Variants in ADGB observed in about 807,000 individuals in gnomAD.
The protein encoded by ADGB is calpain-7-like protein.
ADGB carries 172 observed loss-of-function variants against 210.5 expected under a neutral mutation model. The ratio of observed to expected loss-of-function variants is 0.82; its 90% CI spans 0.72 to 0.93. The LOEUF (loss-of-function observed/expected upper bound fraction) is 0.93. Among genes scored for constraint, ADGB ranks in the 40% least tolerant of loss-of-function variants. ADGB has a pLI of 0.00. For missense variants in ADGB, 2,025 were observed against 1,964.8 expected (o/e 1.03, Z -0.58); for synonymous variants, 658 against 662.7 (o/e 0.99, Z 0.11).
intron 12 of ADGB, among the ~76,000 whole-genome samples, chr6:146,700,258 T>C (rs1776471828): frequency 6.6e-6 from 1 of 152,234 alleles, no homozygotes; most frequent in East Asian, 1.9e-4. Flanking sequence ...CTGGTAGAAT[T>C]GGAGACTCAA....
intron 8 of ADGB, among the ~76,000 whole-genome samples, chr6:146,673,015 G>A (rs1360027497): frequency 2.0e-5 from 3 of 152,120 alleles, no homozygotes; most frequent in Non-Finnish European, 4.4e-5. Context: ...ACAGGTGTGA[G>A]CCACTGCATC....
intron 13 of ADGB, among the ~76,000 whole-genome samples, chr6:146,708,212 A>C (rs1231485187): frequency 2.6e-5 from 4 of 152,088 alleles, no homozygotes; most frequent in African/African-American, 9.7e-5. Flanking sequence ...TAACCTTCAT[A>C]CTAAATTTTA....
At chr6:146,672,143 T>C (rs1451489193) in intron 7 of ADGB, 77 bp from the exon 8 acceptor site, 1 of 1,424,330 alleles carries the variant, frequency 7.0e-7, no homozygotes, top group African/African-American at 1.4e-5. Context: ...TTGATTTTTC[T>C]GTCAGTAATT....
chr6:146,762,717 T>C (rs905535449), intron 27 of ADGB, among the ~76,000 whole-genome samples: 1 of 152,178 alleles, frequency 6.6e-6, no homozygotes, highest in Non-Finnish European at 1.5e-5. Context: ...AAGTCAGTTC[T>C]AGAGTTGCCA....
At chr6:146,777,599 G>T (rs1386982945) in intron 29 of ADGB, among the ~76,000 whole-genome samples, 2 of 152,184 alleles carry the variant, frequency 1.3e-5, no homozygotes, top group Admixed American at 6.5e-5. Flanking sequence ...AAACTTTAGG[G>T]TTGGTGCCCA....
intron 26 of ADGB, among the ~76,000 whole-genome samples, chr6:146,752,224 T>A (rs1042134313): frequency 1.1e-4 from 16 of 151,852 alleles, no homozygotes; most frequent in Admixed American, 1.1e-3. Context: ...GGGGAGCAGG[T>A]ACATCACATG....
intron 35 of ADGB, among the ~76,000 whole-genome samples, chr6:146,811,388 T>C (rs1778299990): frequency 6.6e-6 from 1 of 151,886 alleles, no homozygotes; most frequent in Admixed American, 6.6e-5. Flanking sequence ...CATAATTTAT[T>C]CATATATAAA....
Position 146,675,983 on chromosome 6 carries a change from T to C in ADGB, c.1088-330T>C, listed in dbSNP as rs191489165. Among the ~76,000 whole-genome samples, 362 of 152,278 alleles carry C rather than the reference T, an allele frequency of 2.4e-3. 3 individuals carry two copies. The highest frequency in any genetic ancestry group is 8.2e-3 in the African/African-American group (343 of 41,576). On this transcript the variant is annotated intron_variant, in intron 8 of 35. Transcript: ENST00000397944. ...CACAGGCTTTGCTGTGTTTTGTTTTTATTTTTAAAATGAGAAAATTACCTT... is the reference window on the plus strand; with the variant it reads ...CACAGGCTTTGCTGTGTTTTGTTTTCATTTTTAAAATGAGAAAATTACCTT...
chr6:146,795,041 C>A (rs1778019697), intron 33 of ADGB, among the ~76,000 whole-genome samples: 1 of 151,984 alleles, frequency 6.6e-6, no homozygotes, highest in Non-Finnish European at 1.5e-5. Context: ...ATTGGTGACC[C>A]CAAGGAAGCC....
intron 1 of ADGB, among the ~76,000 whole-genome samples, chr6:146,613,247 C>T (rs9390399): frequency 6.6e-6 from 1 of 151,970 alleles, no homozygotes; most frequent in Non-Finnish European, 1.5e-5. Flanking sequence ...CCAAGTGAAT[C>T]AAACGTAACA....
chr6:146,815,300 T>C lies in ADGB; in HGVS notation c.*83T>C. On this transcript the variant is annotated 3_prime_UTR_variant, in exon 36 of 36. Coordinates refer to ENST00000397944, the MANE Select transcript of ADGB (RefSeq NM_024694.4). ...CTTTAACTGCCTGCTGTTAAGATAT[T>C]AGGCCAAATGAAAATAGAAATTTCT... The C allele has an allele frequency of 1.9e-6, 2 of 1,068,248 alleles. No homozygotes were observed. The highest frequency in any genetic ancestry group is 2.5e-6 in the Non-Finnish European group (2 of 797,224). 66.2% of individuals were successfully genotyped at this position (1,068,248 alleles called of 1,614,324 possible).
intron 9 of ADGB, among the ~76,000 whole-genome samples, chr6:146,679,565 G>C (rs1776129937): frequency 6.6e-6 from 1 of 152,104 alleles, no homozygotes. Flanking sequence ...CCTTTTTCCT[G>C]GCATAAAGGG....
At chr6:146,741,676 T>C (rs1777165674) in intron 25 of ADGB, among the ~76,000 whole-genome samples, 1 of 152,198 alleles carries the variant, frequency 6.6e-6, no homozygotes, top group South Asian at 2.1e-4. Flanking sequence ...CAGAAAATTG[T>C]AGTTACATAG....
chr6:146,716,728 T>C (rs1201310751), intron 14 of ADGB, among the ~76,000 whole-genome samples, 155 bp from the exon 15 acceptor site: 2 of 152,180 alleles, frequency 1.3e-5, no homozygotes, highest in East Asian at 3.8e-4. Context: ...AATGTGTCCC[T>C]GTGTGGACCT....
chr6:146,600,440 C>A, intron 1 of ADGB: 1 of 170,526 alleles, frequency 5.9e-6, no homozygotes, highest in Admixed American at 6.0e-5. Flanking sequence ...TTGTTCCCAC[C>A]GCAGGGCCTT....
At chr6:146,675,906 A>G (rs1776077004) in intron 8 of ADGB, among the ~76,000 whole-genome samples, 1 of 152,144 alleles carries the variant, frequency 6.6e-6, no homozygotes, top group Admixed American at 6.6e-5. Flanking sequence ...TAAGTGGAGG[A>G]CCCAAATAAG....
chr6:146,752,101 A>T (rs1019579434), intron 26 of ADGB, among the ~76,000 whole-genome samples: 2 of 152,112 alleles, frequency 1.3e-5, no homozygotes, highest in African/African-American at 2.4e-5. Context: ...TTTCTGAAGA[A>T]AAGAGGTTTA....
At chr6:146,628,695 C>CT (rs1369760332) in intron 1 of ADGB, among the ~76,000 whole-genome samples, 3 of 151,756 alleles carry the variant, frequency 2.0e-5, no homozygotes, top group African/African-American at 4.8e-5. Flanking sequence ...CCCTTTCTTC[C>CT]TTTTTTAACT....
At position 146,741,128 on chromosome 6, in the gene ADGB, T is replaced by C. The variant is rs1451445952; in HGVS notation, c.3034T>C (p.Leu1012=). 1 of 1,519,242 alleles carries C rather than the reference T, an allele frequency of 6.6e-7. No homozygotes were observed. The highest frequency in any genetic ancestry group is 2.2e-5 in the Admixed American group (1 of 46,192). The allele number at this position is 1,519,242 out of a possible 1,614,324, so 94.1% of individuals were successfully genotyped here. Residue 1012 remains leucine, a synonymous_variant, in exon 25 of 36, where the codon TTG becomes CTG. Coordinates refer to ENST00000397944, the MANE Select transcript of ADGB (RefSeq NM_024694.4). ...CTTTTGTAATTACAGAGAAACATTT[T>C]TGGTTCATCAAGACATGATTTTGGT... ...SWFIVFRETF[L]VHQDMILVPK...
Sources: gnomAD v4.1 joint callset for allele counts (sites outside exome capture counted in the v4.1 genomes callset) on GRCh38, gnomAD v4.1.1 for gene constraint, MANE v1.5 for transcripts, NCBI Gene and HGNC (gene_info 2026-07-23, HGNC 2026-07-21) for gene names.